STK33: variants seen among roughly 807,000 people sequenced by gnomAD.
STK33 encodes serine/threonine kinase 33, also known as serine/threonine-protein kinase 33.
In STK33, 52 loss-of-function variants were observed where a neutral mutation model predicts 58.0. The observed-to-expected ratio is 0.90, with a 90% CI of 0.72 to 1.13. The LOEUF is 1.13. Ranked by LOEUF, STK33 falls within the 50% of genes most tolerant of loss-of-function variation. The pLI is 0.00. For missense variants in STK33, 630 were observed against 604.2 expected, an observed-to-expected ratio of 1.04 and a Z score of -0.45; for synonymous variants, 215 against 200.1, an observed-to-expected ratio of 1.07 and a Z score of -0.63.
At chr11:8,513,841 AT>A (rs1952538705) in intron 1 of STK33, among the ~76,000 whole-genome samples, 1 of 152,122 alleles carries the variant, frequency 6.6e-6, no homozygotes, top group South Asian at 2.1e-4. Flanking sequence ...TCTTTTAGTT[AT>A]TTTTAAATGT....
At chr11:8,468,950 A>T (rs1948503015) in intron 6 of STK33, among the ~76,000 whole-genome samples, 1 of 152,192 alleles carries the variant, frequency 6.6e-6, no homozygotes, top group African/African-American at 2.4e-5. Context: ...AAAATTTTAA[A>T]ATGCTGCATT....
intron 1 of STK33, among the ~76,000 whole-genome samples, chr11:8,559,609 AT>A (rs1201214084): frequency 6.6e-6 from 1 of 152,156 alleles, no homozygotes; most frequent in Non-Finnish European, 1.5e-5. Context: ...CTACCCCATA[AT>A]TTTATTCCCA....
At chr11:8,361,948 C>T in the STK33 span, among the ~76,000 whole-genome samples, 70 of 152,356 alleles carry the variant, frequency 4.6e-4, no homozygotes, top group Non-Finnish European at 7.6e-4. The surrounding 1 kb of genome is among the most constrained non-coding windows in gnomAD (Gnocchi z 4.8). Flanking sequence ...GCTTCTTTCT[C>T]ACCTGGTCAG....
chr11:8,591,857 G>A (rs920445429), intron 1 of STK33, among the ~76,000 whole-genome samples: 1 of 151,492 alleles, frequency 6.6e-6, no homozygotes, highest in Admixed American at 6.6e-5. Flanking sequence ...GAGTGGGGAG[G>A]GATAGCATTA....
chr11:8,376,431 T>C, the STK33 span, among the ~76,000 whole-genome samples: 1 of 152,200 alleles, frequency 6.6e-6, no homozygotes, highest in Non-Finnish European at 1.5e-5. Context: ...CAGAATTTGG[T>C]TCTCCGAGCT....
chr11:8,422,689 T>C (rs372297799), intron 14 of STK33, among the ~76,000 whole-genome samples: 6 of 152,312 alleles, frequency 3.9e-5, no homozygotes, highest in African/African-American at 1.4e-4. Context: ...AGGAAAAGAA[T>C]TGTTTTCATT....
At chr11:8,402,548 T>C (rs1429544029) in intron 15 of STK33, among the ~76,000 whole-genome samples, 3 of 152,156 alleles carry the variant, frequency 2.0e-5, no homozygotes, top group African/African-American at 4.8e-5. Flanking sequence ...CACACCAACA[T>C]GGCACATGTA....
At chr11:8,580,156 A>C (rs1384066809) in intron 1 of STK33, among the ~76,000 whole-genome samples, 1 of 152,144 alleles carries the variant, frequency 6.6e-6, no homozygotes, top group Non-Finnish European at 1.5e-5. Context: ...TGGAAGAAAT[A>C]TTTGCAATCC....
chr11:8,488,463 A>T (rs929979637), intron 1 of STK33, among the ~76,000 whole-genome samples: 1 of 152,108 alleles, frequency 6.6e-6, no homozygotes, highest in African/African-American at 2.4e-5. Flanking sequence ...AGCTCTGCAC[A>T]AGCAGGAAGT....
At chr11:8,547,296 C>A (rs1340054800) in intron 1 of STK33, among the ~76,000 whole-genome samples, 1 of 152,144 alleles carries the variant, frequency 6.6e-6, no homozygotes, top group Non-Finnish European at 1.5e-5. Flanking sequence ...CTCACTGAAA[C>A]CTCCGCCTCC....
chr11:8,547,705 GC>G (rs1341922042), intron 1 of STK33, among the ~76,000 whole-genome samples: 1 of 152,104 alleles, frequency 6.6e-6, no homozygotes, highest in Non-Finnish European at 1.5e-5. Flanking sequence ...CCTTTGCTGT[GC>G]AAAAGCTTTT....
At chr11:8,581,932 A>G (rs1467837552) in intron 1 of STK33, among the ~76,000 whole-genome samples, 3 of 152,246 alleles carry the variant, frequency 2.0e-5, no homozygotes, top group Admixed American at 6.5e-5. Context: ...AATGAATTGT[A>G]ATGCCATTTG....
intron 1 of STK33, among the ~76,000 whole-genome samples, chr11:8,576,320 G>A (rs918159379): frequency 2.0e-5 from 3 of 152,138 alleles, no homozygotes; most frequent in African/African-American, 7.2e-5. Flanking sequence ...TTCAAAACAC[G>A]AATTACAACC....
chr11:8,522,134 C>T (rs1430356949), intron 1 of STK33, among the ~76,000 whole-genome samples: 1 of 152,110 alleles, frequency 6.6e-6, no homozygotes, highest in African/African-American at 2.4e-5. Context: ...GGGCATATAC[C>T]CAAAGGATTA....
At chr11:8,380,030 C>T in the STK33 span, among the ~76,000 whole-genome samples, 7 of 152,310 alleles carry the variant, frequency 4.6e-5, no homozygotes, top group South Asian at 2.1e-4. Flanking sequence ...ATTCTACCAA[C>T]GATGGGCATT....
At chr11:8,426,567 C>T (rs1446635115) in intron 14 of STK33, among the ~76,000 whole-genome samples, 3 of 152,192 alleles carry the variant, frequency 2.0e-5, no homozygotes, top group South Asian at 4.1e-4. Context: ...GGATTATAGG[C>T]GTGAGCCACC....
chr11:8,484,354 A>T (rs1168031961), intron 1 of STK33, among the ~76,000 whole-genome samples: 2 of 152,216 alleles, frequency 1.3e-5, no homozygotes, highest in Non-Finnish European at 2.9e-5. Context: ...GCATCAGGAA[A>T]TTATTTTAGC....
chr11:8,539,382 T>A (rs1351814097), intron 1 of STK33, among the ~76,000 whole-genome samples: 2 of 152,140 alleles, frequency 1.3e-5, no homozygotes, highest in Non-Finnish European at 2.9e-5. Flanking sequence ...CCTGGTCTGA[T>A]GAGGCCATGA....
rs1947995644 is a variant in STK33 at position 8,464,902 on chromosome 11, C to T, written c.340-80G>A. 4 of 848,902 alleles carry T rather than the reference C, an allele frequency of 4.7e-6. No individual in the cohort carries two copies. In the South Asian group the frequency reaches 5.1e-5, roughly 11 times the overall value. The allele number at this position is 848,902 out of a possible 1,614,324, so 52.6% of individuals were successfully genotyped here. A position where few individuals can be genotyped will look rare whatever the true frequency, so the allele number is the denominator to read the frequency against. On this transcript the variant is annotated intron_variant, in intron 6 of 15. Coordinates refer to ENST00000687296, the MANE Select transcript of STK33 (RefSeq NM_001352389.2). ...AATGAACATATAATACTGACAGATA[C>T]TCACCCAAGGGAAAAGAGATTCTGC...
Sources: allele counts gnomAD v4.1 joint callset (sites outside exome capture counted in the v4.1 genomes callset), GRCh38; gene constraint gnomAD v4.1.1; non-coding constraint Gnocchi (gnomAD v3.1); transcripts MANE v1.5; gene names NCBI Gene and HGNC (gene_info 2026-07-23, HGNC 2026-07-21).